The following FOXP2 variants were observed in gnomAD, a reference collection of about 807,000 sequenced individuals.
FOXP2 encodes the protein forkhead box P2.
Under a neutral mutation model 115.8 loss-of-function variants are expected in FOXP2, and 12 were observed. The ratio of observed to expected loss-of-function variants is 0.10; its 90% CI spans 0.07 to 0.17. FOXP2 has a LOEUF of 0.17. FOXP2 is among the 10% of genes least tolerant of loss of function. The pLI is 1.00. For missense variants in FOXP2, 629 were observed against 843.5 expected (o/e 0.75, Z 3.15); for synonymous variants, 328 against 297.7 (o/e 1.10, Z -1.05).
chr7:114,480,308 A>G (rs904572978), intron 2 of FOXP2, among the ~76,000 whole-genome samples: 3 of 151,568 alleles, frequency 2.0e-5, no homozygotes, highest in African/African-American at 7.3e-5. Context: ...ATCCAATTAC[A>G]TTTTTAAAGA....
chr7:114,141,034 A>G (rs1375651486), intron 1 of FOXP2, among the ~76,000 whole-genome samples: 1 of 152,240 alleles, frequency 6.6e-6, no homozygotes, highest in African/African-American at 2.4e-5. Flanking sequence ...GGCAACTCCC[A>G]TTGGATAATT....
intron 2 of FOXP2, among the ~76,000 whole-genome samples, chr7:114,360,514 T>C (rs1350894754): frequency 6.6e-6 from 1 of 152,170 alleles, no homozygotes; most frequent in African/African-American, 2.4e-5. Context: ...CTTGTTGATA[T>C]TATTATATCA....
At chr7:114,541,808 A>G (rs1799678569) in intron 3 of FOXP2, among the ~76,000 whole-genome samples, 1 of 151,402 alleles carries the variant, frequency 6.6e-6, no homozygotes, top group Admixed American at 6.6e-5. Flanking sequence ...TCTGTAATCC[A>G]TTAGGATTTT....
intron 2 of FOXP2, among the ~76,000 whole-genome samples, chr7:114,515,727 A>T (rs560535719): frequency 1.3e-5 from 2 of 151,908 alleles, no homozygotes; most frequent in Admixed American, 1.3e-4. Flanking sequence ...GTTTAATTAG[A>T]TCCCATTTGT....
At chr7:114,385,112 G>T (rs1792412066) in intron 2 of FOXP2, among the ~76,000 whole-genome samples, 2 of 151,848 alleles carry the variant, frequency 1.3e-5, no homozygotes, top group African/African-American at 4.8e-5. Flanking sequence ...GGCAAGGGTG[G>T]TGGGGAACGG....
chr7:114,423,653 G>T (rs1450030056), intron 1 of FOXP2, among the ~76,000 whole-genome samples: 1 of 151,506 alleles, frequency 6.6e-6, no homozygotes, highest in Non-Finnish European at 1.5e-5. Flanking sequence ...GTATGTTTCG[G>T]ATCATAAGCA....
Position 114,593,081 on chromosome 7 carries a change from T to C in FOXP2, c.259-35459T>C, listed in dbSNP as rs576378770. ...TAAAAAATCATAGGATTGAATAGTTTCTGTTTTGGTTTCTTTCAGTTGTTT... is the reference window on the plus strand; with the variant it reads ...TAAAAAATCATAGGATTGAATAGTTCCTGTTTTGGTTTCTTTCAGTTGTTT... On this transcript the variant is annotated intron_variant, in intron 3 of 16. Coordinates refer to ENST00000350908, the MANE Select transcript of FOXP2 (RefSeq NM_014491.4). Among the ~76,000 whole-genome samples the C allele has an allele frequency of 2.0e-5, 3 of 152,114 alleles. No individual in the cohort carries two copies. The East Asian group carries it at 5.8e-4, about 29-fold the overall frequency.
rs112515149 is a variant in FOXP2, at chr7:114,251,109, A to G, written c.-101-36910A>G. Among the ~76,000 whole-genome samples the G allele has an allele frequency of 9.3e-3, 1,420 of 152,094 alleles. 29 individuals carry two copies. Among genetic ancestry groups the G allele is most frequent in the African/African-American group, 0.033 (1,351 of 41,478 alleles). On this transcript the variant is annotated intron_variant, in intron 1 of 17. Transcript: ENST00000634411. Reference sequence around the variant, plus strand: ...TTTGTCAAAGATCAGTTGGTTGTAGATGTGTGGTATTATTTCTGAGGGCTC... The same window carrying G: ...TTTGTCAAAGATCAGTTGGTTGTAGGTGTGTGGTATTATTTCTGAGGGCTC...
Position 114,498,973 on chromosome 7 carries a change from G to A in FOXP2, c.169-35644G>A, listed in dbSNP as rs920491200. Reference sequence around the variant, plus strand: ...CTAGAAGAGCGATTCTCAAAAGTGTGAGTCCTGGACCAGCAGCAACAGCAT... The same window carrying A: ...CTAGAAGAGCGATTCTCAAAAGTGTAAGTCCTGGACCAGCAGCAACAGCAT... On this transcript the variant is annotated intron_variant, in intron 2 of 16. Coordinates refer to ENST00000350908, the MANE Select transcript of FOXP2 (RefSeq NM_014491.4). 15 of 717,202 alleles carry A rather than the reference G, an allele frequency of 2.1e-5. No individual in the cohort carries two copies. In the African/African-American group the frequency reaches 2.4e-4, roughly 12 times the overall value. 44.4% of individuals were successfully genotyped at this position (717,202 alleles called of 1,614,324 possible). A position where few individuals can be genotyped will look rare whatever the true frequency, so the allele number is the denominator to read the frequency against.
intron 3 of FOXP2, among the ~76,000 whole-genome samples, chr7:114,548,834 G>A (rs868828476): frequency 1.3e-5 from 2 of 152,090 alleles, no homozygotes; most frequent in African/African-American, 2.4e-5. Context: ...TAAATGAAAC[G>A]TTTGCATATT....
At chr7:114,563,136 C>T (rs1800835502) in intron 3 of FOXP2, among the ~76,000 whole-genome samples, 1 of 152,158 alleles carries the variant, frequency 6.6e-6, no homozygotes, top group Admixed American at 6.5e-5. Context: ...TACCTGCCCC[C>T]ATGATTCAGT....
rs188280517 is a variant in FOXP2, at chr7:114,517,088, C to A, written c.169-17529C>A. On this transcript the variant is annotated intron_variant, in intron 2 of 16. Transcript: ENST00000350908. ...CCTCATTGTGGTTTTATTTTGTATT[C>A]ATCTGATGATGAGTGATGTTGAGCA... Among the ~76,000 whole-genome samples the A allele has an allele frequency of 2.6e-5, 4 of 151,768 alleles. No individual in the cohort carries two copies. In the East Asian group the frequency reaches 7.7e-4, roughly 29 times the overall value.
intron 2 of FOXP2, among the ~76,000 whole-genome samples, chr7:114,491,523 T>A: frequency 6.6e-6 from 1 of 151,974 alleles, no homozygotes; most frequent in South Asian, 2.1e-4. Context: ...AGATCCCATT[T>A]GTCAATTTTG....
rs116362202 is a variant in FOXP2 at position 114,285,651 on chromosome 7, C to T, written c.-101-2368C>T. On this transcript the variant is annotated intron_variant, in intron 1 of 17. Transcript: ENST00000634411. The stretch of plus-strand genomic sequence containing the variant: ...TCTTTCTATATTCTTATCAACACTG[C>T]GCAGAATTCATTCAAATTCATGCTC... Among the ~76,000 whole-genome samples the T allele has an allele frequency of 8.6e-3, 1,312 of 152,118 alleles. 19 individuals carry two copies. The highest frequency in any genetic ancestry group is 0.03 in the African/African-American group (1,252 of 41,526).
At chr7:114,271,670 TA>T (rs1449552537) in intron 1 of FOXP2, among the ~76,000 whole-genome samples, 3 of 118,348 alleles carry the variant, frequency 2.5e-5, no homozygotes, top group East Asian at 2.2e-4. Flanking sequence ...TTAAATATAT[TA>T]TTTAAAATTA....
chr7:114,341,955 A>T (rs2129184423), intron 2 of FOXP2, among the ~76,000 whole-genome samples: 1 of 151,480 alleles, frequency 6.6e-6, no homozygotes, highest in African/African-American at 2.4e-5. Flanking sequence ...TCAGGAATTT[A>T]GGGTTCTATT....
intron 2 of FOXP2, among the ~76,000 whole-genome samples, chr7:114,428,255 G>A (rs559309493): frequency 3.3e-5 from 5 of 151,638 alleles, no homozygotes; most frequent in Admixed American, 1.3e-4. Flanking sequence ...ATGAAAAAAT[G>A]CCAAGAAATC....
intron 1 of FOXP2, among the ~76,000 whole-genome samples, chr7:114,145,441 C>CTTTTCTTTTCTTTTCTTTTA (rs1554421639): frequency 7.8e-4 from 8 of 10,220 alleles, no homozygotes; most frequent in Non-Finnish European, 3.0e-4. Flanking sequence ...TTTTTCTTTT[C>CTTTTCTTTTCTTTTCTTTTA]TTTTCTTTTC....
chr7:114,238,210 T>G (rs1443211576), intron 1 of FOXP2, among the ~76,000 whole-genome samples: 2 of 152,148 alleles, frequency 1.3e-5, no homozygotes, highest in African/African-American at 2.4e-5. Flanking sequence ...AACTCACTGG[T>G]GTATTCTATT....
Sources: gnomAD v4.1 joint callset for allele counts (sites outside exome capture counted in the v4.1 genomes callset) on GRCh38, gnomAD v4.1.1 for gene constraint, MANE v1.5 for transcripts, NCBI Gene and HGNC (gene_info 2026-07-23, HGNC 2026-07-21) for gene names.